Variants in RORA observed in about 807,000 individuals in gnomAD.
RORA encodes nuclear receptor ROR-alpha.
RORA carries 7 observed loss-of-function variants against 69.5 expected under a neutral mutation model. That is an observed-to-expected ratio of 0.10 (90% confidence interval 0.06 to 0.19). The LOEUF (loss-of-function observed/expected upper bound fraction) is 0.19. RORA is among the 10% of genes least tolerant of loss of function. The pLI is 1.00. For missense variants in RORA, 457 were observed against 663.0 expected (o/e 0.69, Z 3.41); for synonymous variants, 261 against 240.8 (o/e 1.08, Z -0.78).
intron 2 of RORA, among the ~76,000 whole-genome samples, chr15:60,619,452 G>C (rs548762709): frequency 6.6e-6 from 1 of 152,324 alleles, no homozygotes; most frequent in Admixed American, 6.5e-5. Context: ...TTTTACGTCA[G>C]TTCATAATCA....
rs114047793 is a variant in RORA, at chr15:60,629,465, C to T, written c.196+49192G>A. On this transcript the variant is annotated intron_variant, in intron 2 of 10. Coordinates refer to ENST00000335670, the MANE Select transcript of RORA (RefSeq NM_134261.3). Reference sequence around the variant, plus strand: ...CTAAGCTCCTTGAGGGCAAGTACTGCGTTTTGTTATTCACTCTGGCAGAGC... The same window carrying T: ...CTAAGCTCCTTGAGGGCAAGTACTGTGTTTTGTTATTCACTCTGGCAGAGC... Among the ~76,000 whole-genome samples, 492 of 152,238 alleles carry T rather than the reference C, an allele frequency of 3.2e-3. 3 individuals are homozygous for T. The highest frequency in any genetic ancestry group is 0.011 in the African/African-American group (473 of 41,544).
rs55815707 is a variant in RORA at position 61,191,365 on chromosome 15, C to CA, written c.166+37687dup. Among the ~76,000 whole-genome samples, 11 of 136,606 alleles carry CA rather than the reference C, an allele frequency of 8.1e-5. No individual in the cohort carries two copies. In the South Asian group the frequency reaches 1.2e-3, roughly 15 times the overall value. 89.6% of individuals were successfully genotyped at this position (136,606 alleles called of 152,430 possible). A position where few individuals can be genotyped will look rare whatever the true frequency, so the allele number is the denominator to read the frequency against. ...CACCTAGGCTGCCATCTCCTTGTAGCAAAAAAAAAAAAAAAAGAAAGAAAT... is the reference window on the plus strand; with the variant it reads ...CACCTAGGCTGCCATCTCCTTGTAGCAAAAAAAAAAAAAAAAAGAAAGAAAT... On this transcript the variant is annotated intron_variant, in intron 1 of 10. Coordinates refer to ENST00000335670, the MANE Select transcript of RORA (RefSeq NM_134261.3).
At chr15:61,054,605 A>AT (rs1010981888) in intron 1 of RORA, among the ~76,000 whole-genome samples, 11 of 152,152 alleles carry the variant, frequency 7.2e-5, no homozygotes, top group African/African-American at 2.7e-4. Flanking sequence ...TTCAATGAGG[A>AT]TTTTTACATT....
At chr15:61,173,445 G>A (rs1181498638) in intron 1 of RORA, among the ~76,000 whole-genome samples, 1 of 152,186 alleles carries the variant, frequency 6.6e-6, no homozygotes, top group Non-Finnish European at 1.5e-5. Context: ...AATTTTTTAA[G>A]CACATAAAAT....
chr15:60,515,915 TTA>T lies in RORA; in HGVS notation c.283-1160_283-1159del, dbSNP rs1159320295. 5.3e-5 allele frequency among the ~76,000 whole-genome samples: 4 copies of T among 75,818 alleles called. 1 individual carries two copies. Among genetic ancestry groups the T allele is most frequent in the African/African-American group, 1.7e-4 (2 of 11,750 alleles). The allele number at this position is 75,818 out of a possible 152,430, so 49.7% of individuals were successfully genotyped here. On this transcript the variant is annotated intron_variant, in intron 3 of 10. Transcript: ENST00000335670. ...ATATATATATTTATATATATTGTATTTATATATATATTTATATATATATTTAT... is the reference window on the plus strand; with the variant it reads ...ATATATATATTTATATATATTGTATTTATATATATTTATATATATATTTAT...
chr15:60,657,336 G>A (rs959990797), intron 2 of RORA, among the ~76,000 whole-genome samples: 5 of 151,966 alleles, frequency 3.3e-5, no homozygotes, highest in African/African-American at 1.2e-4. Context: ...ATACCCCCCT[G>A]CCCCACCCCC....
chr15:60,508,973 C>CTAT (rs1455063928), intron 5 of RORA, among the ~76,000 whole-genome samples: 2 of 152,196 alleles, frequency 1.3e-5, no homozygotes, highest in Admixed American at 6.5e-5. Context: ...GTTGTGCATA[C>CTAT]TACACTTGAA....
chr15:61,158,793 G>C (rs1389133719), intron 1 of RORA, among the ~76,000 whole-genome samples: 1 of 152,174 alleles, frequency 6.6e-6, no homozygotes, highest in African/African-American at 2.4e-5. Context: ...AAATGGCTCT[G>C]TTCCTCTTCA....
intron 2 of RORA, among the ~76,000 whole-genome samples, chr15:60,579,698 T>C (rs1015343658): frequency 6.6e-6 from 1 of 152,176 alleles, no homozygotes; most frequent in Non-Finnish European, 1.5e-5. Context: ...TTGGGGGTAT[T>C]TTGGATGAGC....
chr15:60,915,818 A>AT (rs1185463315), intron 1 of RORA, among the ~76,000 whole-genome samples: 1 of 152,160 alleles, frequency 6.6e-6, no homozygotes, highest in African/African-American at 2.4e-5. Context: ...AGAACAACAT[A>AT]TTTACACTCT....
At chr15:61,080,499 T>C (rs1210143206) in intron 1 of RORA, among the ~76,000 whole-genome samples, 5 of 152,142 alleles carry the variant, frequency 3.3e-5, no homozygotes, top group Non-Finnish European at 2.9e-5. Context: ...TGAATGCAAA[T>C]AGATACCATT....
chr15:61,008,941 C>A (rs1482106041), intron 1 of RORA, among the ~76,000 whole-genome samples: 1 of 152,110 alleles, frequency 6.6e-6, no homozygotes. Context: ...AGACACGGGG[C>A]ATAGAAAGGG....
intron 1 of RORA, among the ~76,000 whole-genome samples, chr15:61,038,667 T>C (rs1945418040): frequency 6.6e-6 from 1 of 152,232 alleles, no homozygotes; most frequent in Admixed American, 6.5e-5. Flanking sequence ...TGCATTGTGT[T>C]TGCTAAGGCA....
chr15:60,859,966 C>A (rs1252093752), intron 1 of RORA, among the ~76,000 whole-genome samples: 2 of 152,138 alleles, frequency 1.3e-5, no homozygotes, highest in African/African-American at 4.8e-5. Context: ...TTCCATGCAC[C>A]TACCACCTAC....
At chr15:60,530,555 T>C (rs2066497210) in intron 3 of RORA, 1 of 152,202 alleles carries the variant, frequency 6.6e-6, no homozygotes, top group Non-Finnish European at 1.5e-5. Flanking sequence ...TATGCGGAAA[T>C]CTGAAGCTTT....
At chr15:60,888,442 G>C (rs371378546) in intron 1 of RORA, among the ~76,000 whole-genome samples, 1 of 152,192 alleles carries the variant, frequency 6.6e-6, no homozygotes, top group Non-Finnish European at 1.5e-5. Context: ...AAAAGGGAGA[G>C]GAAGATTACG....
chr15:61,174,081 G>A (rs1190184224), intron 1 of RORA, among the ~76,000 whole-genome samples: 1 of 152,106 alleles, frequency 6.6e-6, no homozygotes, highest in Non-Finnish European at 1.5e-5. Flanking sequence ...TGACCTCCTG[G>A]GGCAACTCAC....
At chr15:60,538,325 C>T (rs1009033477) in intron 2 of RORA, among the ~76,000 whole-genome samples, 7 of 152,168 alleles carry the variant, frequency 4.6e-5, no homozygotes, top group African/African-American at 1.7e-4. Context: ...CTTACACCTC[C>T]ACTTCCTCCA....
intron 1 of RORA, among the ~76,000 whole-genome samples, chr15:60,901,056 A>G (rs1891377872): frequency 6.6e-6 from 1 of 152,138 alleles, no homozygotes; most frequent in Non-Finnish European, 1.5e-5. Context: ...TATTGAAATT[A>G]TGCCTATATG....
Sources: allele counts gnomAD v4.1 joint callset (sites outside exome capture counted in the v4.1 genomes callset), GRCh38; gene constraint gnomAD v4.1.1; transcripts MANE v1.5; gene names NCBI Gene and HGNC (gene_info 2026-07-23, HGNC 2026-07-21).